ZNF609: variants seen among roughly 807,000 people sequenced by gnomAD.
ZNF609 encodes the protein zinc finger protein 609.
A neutral mutation model predicts 109.5 loss-of-function variants in ZNF609; 11 were observed. That is an observed-to-expected ratio of 0.10 (90% CI 0.06 to 0.17). The LOEUF (loss-of-function observed/expected upper bound fraction) is 0.17. Ranked by LOEUF, ZNF609 falls within the 10% of genes least tolerant of loss-of-function variation. The pLI, the probability that ZNF609 is intolerant of heterozygous loss-of-function variation, is 1.00. For missense variants in ZNF609, 1,559 were observed against 1,772.4 expected, an observed-to-expected ratio of 0.88 and a Z score of 2.16; for synonymous variants, 646 against 662.0, an observed-to-expected ratio of 0.98 and a Z score of 0.37.
chr15:64,513,310 G>C (rs934134602), intron 2 of ZNF609, among the ~76,000 whole-genome samples: 5 of 152,198 alleles, frequency 3.3e-5, no homozygotes, highest in African/African-American at 1.2e-4. Flanking sequence ...ACATCTGGTA[G>C]AGTGTCTGTT....
chr15:64,597,286 C>G (rs2140944155), intron 2 of ZNF609, among the ~76,000 whole-genome samples: 1 of 152,244 alleles, frequency 6.6e-6, no homozygotes, highest in East Asian at 1.9e-4. Context: ...TCCTCAGTTA[C>G]TGTCAAAGCA....
At chr15:64,471,585 GT>G (rs1180420916) in intron 1 of ZNF609, among the ~76,000 whole-genome samples, 3 of 151,452 alleles carry the variant, frequency 2.0e-5, no homozygotes, top group Admixed American at 2.0e-4. Context: ...TTTGTTTTTT[GT>G]TTTTTTTGTC....
chr15:64,475,370 G>C (rs1450896770), intron 1 of ZNF609, among the ~76,000 whole-genome samples: 1 of 143,742 alleles, frequency 7.0e-6, no homozygotes, highest in East Asian at 2.0e-4. Flanking sequence ...GATCTCTGTT[G>C]TAGTACTTTA....
intron 2 of ZNF609, among the ~76,000 whole-genome samples, chr15:64,617,563 T>C (rs956009651): frequency 6.6e-6 from 1 of 151,906 alleles, no homozygotes; most frequent in African/African-American, 2.4e-5. Context: ...TTGGATCACC[T>C]GAGGTCAGGA....
intron 1 of ZNF609, among the ~76,000 whole-genome samples, chr15:64,472,993 A>G (rs566307681): frequency 6.6e-6 from 1 of 152,244 alleles, no homozygotes; most frequent in South Asian, 2.1e-4. Context: ...AAATGAAACT[A>G]TAAGAAAAGA....
intron 3 of ZNF609, among the ~76,000 whole-genome samples, chr15:64,646,306 C>T (rs946250815): frequency 6.6e-6 from 1 of 151,964 alleles, no homozygotes; most frequent in Non-Finnish European, 1.5e-5. Flanking sequence ...CCAGCCTGGG[C>T]AACATAGCAA....
intron 2 of ZNF609, among the ~76,000 whole-genome samples, chr15:64,595,211 A>G (rs1318716986): frequency 1.3e-5 from 2 of 151,218 alleles, no homozygotes; most frequent in Non-Finnish European, 3.0e-5. Flanking sequence ...AATACCAAAA[A>G]TTAGCCGGGC....
At chr15:64,513,065 G>A (rs1305488352) in intron 2 of ZNF609, among the ~76,000 whole-genome samples, 1 of 151,984 alleles carries the variant, frequency 6.6e-6, no homozygotes, top group Non-Finnish European at 1.5e-5. Flanking sequence ...AATTTTAAGT[G>A]TGGTTTTTAG....
intron 1 of ZNF609, among the ~76,000 whole-genome samples, chr15:64,473,211 T>C (rs79266098): frequency 6.9e-6 from 1 of 145,240 alleles, no homozygotes; most frequent in Non-Finnish European, 1.5e-5. Flanking sequence ...TTTTTTTTTT[T>C]TTTTGGAGAC....
At chr15:64,670,631 C>T (rs1384902765) in intron 4 of ZNF609, among the ~76,000 whole-genome samples, 198 bp downstream of exon 4, 1 of 152,104 alleles carries the variant, frequency 6.6e-6, no homozygotes, top group Non-Finnish European at 1.5e-5. Context: ...GTAATCCCAG[C>T]ACTTTGGGAG....
chr15:64,652,674 C>T (rs768803454), intron 3 of ZNF609, among the ~76,000 whole-genome samples: 1 of 152,140 alleles, frequency 6.6e-6, no homozygotes, highest in Non-Finnish European at 1.5e-5. Context: ...AAGTGTGAAT[C>T]ACTATGCCTG....
intron 3 of ZNF609, among the ~76,000 whole-genome samples, chr15:64,634,824 A>C (rs1896149361): frequency 6.6e-6 from 1 of 152,132 alleles, no homozygotes; most frequent in East Asian, 1.9e-4. Flanking sequence ...AGACCACCAC[A>C]TGGCAACAGC....
At chr15:64,655,565 G>T (rs947970872) in intron 3 of ZNF609, among the ~76,000 whole-genome samples, 2 of 152,110 alleles carry the variant, frequency 1.3e-5, no homozygotes, top group African/African-American at 4.8e-5. Flanking sequence ...GGTGGCTCAC[G>T]CCTGTAATCC....
At chr15:64,540,075 G>T (rs1894225003) in intron 2 of ZNF609, among the ~76,000 whole-genome samples, 1 of 152,194 alleles carries the variant, frequency 6.6e-6, no homozygotes, top group Non-Finnish European at 1.5e-5. Context: ...ACCTGGCCAA[G>T]AGTTTTATTA....
chr15:64,560,826 T>G (rs1454626943), intron 2 of ZNF609, among the ~76,000 whole-genome samples: 2 of 152,234 alleles, frequency 1.3e-5, no homozygotes, highest in East Asian at 3.8e-4. Flanking sequence ...CCTCCATACA[T>G]TTTTCATGAA....
At chr15:64,480,608 C>T (rs535641423) in intron 1 of ZNF609, among the ~76,000 whole-genome samples, 1 of 151,844 alleles carries the variant, frequency 6.6e-6, no homozygotes, top group African/African-American at 2.4e-5. Flanking sequence ...ACTAACTGTT[C>T]AGGTGTAGTA....
intron 2 of ZNF609, among the ~76,000 whole-genome samples, chr15:64,577,562 T>C (rs1270110031): frequency 2.2e-4 from 3 of 13,540 alleles, no homozygotes; most frequent in African/African-American, 3.3e-4. Context: ...TATACACATA[T>C]AAATATATAC....
chr15:64,527,009 A>G (rs1893976230), intron 2 of ZNF609, among the ~76,000 whole-genome samples: 1 of 151,966 alleles, frequency 6.6e-6, no homozygotes, highest in Non-Finnish European at 1.5e-5. Flanking sequence ...AATTATGTTG[A>G]TATTTTTCAG....
chr15:64,518,020 G>T (rs1893838700), intron 2 of ZNF609, among the ~76,000 whole-genome samples: 2 of 152,160 alleles, frequency 1.3e-5, no homozygotes, highest in South Asian at 4.1e-4. Flanking sequence ...GGGCTCAAGT[G>T]ATCCACCCGC....
Sources: allele counts gnomAD v4.1 joint callset (sites outside exome capture counted in the v4.1 genomes callset), GRCh38; gene constraint gnomAD v4.1.1; transcripts MANE v1.5; gene names NCBI Gene and HGNC (gene_info 2026-07-23, HGNC 2026-07-21).